SHH: variants seen among roughly 807,000 people sequenced by gnomAD.
SHH encodes the protein sonic hedgehog protein.
Under a neutral mutation model 16.6 loss-of-function variants are expected in SHH, and 3 were observed. That is an observed-to-expected ratio of 0.18 (90% CI 0.08 to 0.47). SHH has a LOEUF of 0.47. Among genes scored for constraint, SHH ranks in the 20% least tolerant of loss-of-function variants. The pLI is 0.98. For synonymous variants in SHH, 351 were observed against 316.2 expected (o/e 1.11, Z -1.17); for missense variants, 499 against 665.0 (o/e 0.75, Z 2.75).
At position 155,802,836 on chromosome 7, in the gene SHH, G is replaced by A. The variant is rs1431062336; in HGVS notation, c.*64C>T. 4 of 948,956 alleles carry A rather than the reference G, an allele frequency of 4.2e-6. No homozygotes were observed. The highest frequency in any genetic ancestry group is 1.7e-5 in the African/African-American group (1 of 57,790). 58.8% of individuals were successfully genotyped at this position (948,956 alleles called of 1,614,324 possible). A position where few individuals can be genotyped will look rare whatever the true frequency, so the allele number is the denominator to read the frequency against. ...GTGCGCCTTTTCCGAGTGTCTTTTT[G>A]CTTTGCGTTGCTGTTGCTGCCCCGC... On this transcript the variant is annotated 3_prime_UTR_variant, in exon 3 of 3. Transcript: ENST00000297261.
In SHH at chr7:155,812,243, C is replaced by G. The variant is rs1324751034; in HGVS notation, c.-121G>C. Reference sequence around the variant, plus strand: ...TTTCCCTTCCTCGCTCCGGCTCGCCCGCTCGCTCTCTCCCTCGCTGGCTGC... The same window carrying G: ...TTTCCCTTCCTCGCTCCGGCTCGCCGGCTCGCTCTCTCCCTCGCTGGCTGC... On this transcript the variant is annotated 5_prime_UTR_variant, in exon 1 of 3. Transcript: ENST00000297261. 5 of 944,206 alleles carry G rather than the reference C, an allele frequency of 5.3e-6. No homozygotes were observed. The East Asian group carries it at 7.6e-5, about 14-fold the overall frequency. The allele number at this position is 944,206 out of a possible 1,614,324, so 58.5% of individuals were successfully genotyped here. A position where few individuals can be genotyped will look rare whatever the true frequency, so the allele number is the denominator to read the frequency against.
At chr7:155,811,677 G>A in intron 1 of SHH, 146 bp downstream of exon 1, 1 of 830,920 alleles carries the variant, frequency 1.2e-6, no homozygotes, top group Non-Finnish European at 2.1e-6. Context: ...GGAAGAGATG[G>A]GGGGCGGGCA....
In SHH at chr7:155,811,988, C is replaced by T. The variant is rs61729519; in HGVS notation, c.135G>A (p.Lys45=). The stretch of plus-strand genomic sequence containing the variant: ...TCTCGGCCACATTGGGGATAAACTG[C>T]TTGTAGGCTAAAGGGGTCAGCTTTT... The part of the protein sequence containing the change: ...HPKKLTPLAY[K]QFIPNVAEKT... The change falls in exon 1 of 3, where the codon AAG becomes AAA. Residue 45 remains lysine, a synonymous_variant. Transcript: ENST00000297261. 2 of 1,614,042 alleles carry T rather than the reference C, an allele frequency of 1.2e-6. No individual in the cohort carries two copies. The highest frequency in any genetic ancestry group is 1.7e-5 in the Admixed American group (1 of 60,006).
rs9333635 is a variant in SHH, at chr7:155,803,392, C to G, written c.897G>C (p.Leu299=). 6.6e-4 allele frequency: 989 copies of G among 1,503,290 alleles called. 3 individuals carry two copies. In the African/African-American group the frequency reaches 0.012, roughly 18 times the overall value. The allele number at this position is 1,503,290 out of a possible 1,614,324, so 93.1% of individuals were successfully genotyped here. The part of the protein sequence containing the change: ...SGSGPPSGGA[L]GPRALFASRV... Reference sequence around the variant, plus strand: ...GGCTGGCGAACAGCGCCCGAGGCCCCAGTGCGCCCCCGGAAGGCGGCCCCG... The same window carrying G: ...GGCTGGCGAACAGCGCCCGAGGCCCGAGTGCGCCCCCGGAAGGCGGCCCCG... Residue 299 remains leucine, a synonymous_variant, in exon 3 of 3, where the codon CTG becomes CTC. Transcript: ENST00000297261.
At chr7:155,811,606 C>T (rs1350582118) in intron 1 of SHH, among the ~76,000 whole-genome samples, 2 of 152,168 alleles carry the variant, frequency 1.3e-5, no homozygotes, top group Non-Finnish European at 2.9e-5. Flanking sequence ...ACCGTCCTCA[C>T]CCCCACCACA....
At position 155,800,841 on chromosome 7, in the gene SHH, G is replaced by C. The variant is rs1803164819; in HGVS notation, c.*2059C>G. 2.9e-6 allele frequency: 1 copy of C among 346,542 alleles called. No individual in the cohort carries two copies. Among genetic ancestry groups the C allele is most frequent in the Non-Finnish European group, 5.7e-6 (1 of 174,580 alleles). The allele number at this position is 346,542 out of a possible 1,614,324, so 21.5% of individuals were successfully genotyped here. On this transcript the variant is annotated 3_prime_UTR_variant, in exon 3 of 3. Coordinates refer to ENST00000297261, the MANE Select transcript of SHH (RefSeq NM_000193.4). Reference sequence around the variant, plus strand: ...GGACTGGGCCCAACCTCGGGAGCCAGCCCCTGCCAGGTGGGGCTGAAGTCT... The same window carrying C: ...GGACTGGGCCCAACCTCGGGAGCCACCCCCTGCCAGGTGGGGCTGAAGTCT...
chr7:155,812,293 C>A lies in SHH; in HGVS notation c.-171G>T. On this transcript the variant is annotated 5_prime_UTR_variant, in exon 1 of 3. Coordinates refer to ENST00000297261, the MANE Select transcript of SHH (RefSeq NM_000193.4). Reference sequence around the variant, plus strand: ...CCTCGCTCTTTCTCTTCCTATATAACCTTGCCCGCCGCGGCTGCGGGGGAC... The same window carrying A: ...CCTCGCTCTTTCTCTTCCTATATAAACTTGCCCGCCGCGGCTGCGGGGGAC... 1.5e-6 allele frequency: 1 copy of A among 672,910 alleles called. No individual in the cohort carries two copies. Among genetic ancestry groups the A allele is most frequent in the Non-Finnish European group, 2.6e-6 (1 of 379,912 alleles). The allele number at this position is 672,910 out of a possible 1,614,324, so 41.7% of individuals were successfully genotyped here.
Position 155,806,154 on chromosome 7 carries a change from T to C in SHH, c.562+142A>G, listed in dbSNP as rs1803354974. 6 of 1,028,140 alleles carry C rather than the reference T, an allele frequency of 5.8e-6. No individual in the cohort carries two copies. In the South Asian group the frequency reaches 8.1e-5, roughly 14 times the overall value. 63.7% of individuals were successfully genotyped at this position (1,028,140 alleles called of 1,614,324 possible). On this transcript the variant is annotated intron_variant, in intron 2 of 2. Transcript: ENST00000297261. ...GGGGCCGGCACCTCACAGGGCAGGT[T>C]CCACCGCGGAAACGCAGTCATCGCC...
Position 155,803,529 on chromosome 7 carries a change from C to T in SHH, c.760G>A (p.Val254Met). ...TCGCGCGGCTCCCGCGTCTCGATCA[C>T]GTAGAAGACCTTCTTGGCGCCGTCG... is the stretch of plus-strand genomic sequence containing the variant. ...RDDGAKKVFY[V>M]IETREPRERL... Residue 254 changes from valine to methionine, a missense_variant, in exon 3 of 3, where the codon GTG becomes ATG. By Grantham distance (21) the Val-to-Met change is conservative. Transcript: ENST00000297261. 2 of 1,591,578 alleles carry T rather than the reference C, an allele frequency of 1.3e-6. No homozygotes were observed. The highest frequency in any genetic ancestry group is 2.7e-5 in the African/African-American group (2 of 74,878).
intron 2 of SHH, among the ~76,000 whole-genome samples, chr7:155,804,756 ATTGAAG>A (rs955293037): frequency 1.6e-4 from 23 of 147,700 alleles, no homozygotes; most frequent in African/African-American, 5.2e-4. Flanking sequence ...CAGGACAATA[ATTGAAG>A]TTGGGGCGGA....
At position 155,802,807 on chromosome 7, in the gene SHH, G is replaced by A; in HGVS notation, c.*93C>T. The A allele has an allele frequency of 1.3e-6, 1 of 753,448 alleles. No individual in the cohort carries two copies. Among genetic ancestry groups the A allele is most frequent in the South Asian group, 2.8e-5 (1 of 36,308 alleles). 46.7% of individuals were successfully genotyped at this position (753,448 alleles called of 1,614,324 possible). ...CTTATTCTTATTATAACTCAGTCTG[G>A]TTCGTGCGCCTTTTCCGAGTGTCTT... On this transcript the variant is annotated 3_prime_UTR_variant, in exon 3 of 3. Transcript: ENST00000297261.
chr7:155,809,563 C>A lies in SHH; in HGVS notation c.300+2260G>T, dbSNP rs1356344494. ...TCACAGACTGCCAGCCCCTACCCCC[C>A]TCGGTTTTAGGGGACCTTTGTGGGG... On this transcript the variant is annotated intron_variant, in intron 1 of 2. Coordinates refer to ENST00000297261, the MANE Select transcript of SHH (RefSeq NM_000193.4). This position sits in a 1 kb window ranked among gnomAD's most constrained non-coding sequence, Gnocchi z 6.1. Among the ~76,000 whole-genome samples the A allele has an allele frequency of 6.6e-6, 1 of 152,130 alleles. No homozygotes were observed. The highest frequency in any genetic ancestry group is 1.5e-5 in the Non-Finnish European group (1 of 68,014).
rs1386829034 is a variant in SHH at position 155,809,745 on chromosome 7, A to G, written c.300+2078T>C. ...TGAGGGAAGTTGACAGAAGGTCAGA[A>G]GTTCAAATGCTGCCTGTGCGCGCGG... On this transcript the variant is annotated intron_variant, in intron 1 of 2. Transcript: ENST00000297261. The surrounding 1 kb of genome is among the most constrained non-coding windows in gnomAD (Gnocchi z 6.1). 6.6e-6 allele frequency among the ~76,000 whole-genome samples: 1 copy of G among 152,060 alleles called. No homozygotes were observed. The highest frequency in any genetic ancestry group is 1.9e-4 in the East Asian group (1 of 5,184).
Position 155,806,409 on chromosome 7 carries a change from G to A in SHH, c.449C>T (p.Thr150Met). 2 of 1,613,782 alleles carry A rather than the reference G, an allele frequency of 1.2e-6. No homozygotes were observed. The highest frequency in any genetic ancestry group is 1.1e-5 in the South Asian group (1 of 91,090). ...HYEGRAVDIT[T>M]SDRDRSKYGM... ...GTACTTGCTGCGGTCGCGGTCAGAC[G>A]TGGTGATGTCCACTGCGCGGCCCTC... The change falls in exon 2 of 3, where the codon ACG (threonine) becomes ATG (methionine). Residue 150 changes from threonine (T) to methionine (M), a missense_variant. This residue lies in a region of SHH where 114 missense variants were observed against 200.4 expected (regional missense o/e 0.57). Transcript: ENST00000297261.
In SHH at chr7:155,802,792, T is replaced by TTCTTATTA. The variant is rs1238614740; in HGVS notation, c.*107_*108insTAATAAGA. ...TCCTACTTTATTATTCTTATTCTTATTATAACTCAGTCTGGTTCGTGCGCC... is the reference window on the plus strand; with the variant it reads ...TCCTACTTTATTATTCTTATTCTTATTCTTATTATATAACTCAGTCTGGTTCGTGCGCC... On this transcript the variant is annotated 3_prime_UTR_variant, in exon 3 of 3. Transcript: ENST00000297261. 1.5e-6 allele frequency: 1 copy of TTCTTATTA among 645,800 alleles called. No homozygotes were observed. The highest frequency in any genetic ancestry group is 1.9e-5 in the African/African-American group (1 of 52,562). The allele number at this position is 645,800 out of a possible 1,614,324, so 40.0% of individuals were successfully genotyped here. A position where few individuals can be genotyped will look rare whatever the true frequency, so the allele number is the denominator to read the frequency against.
chr7:155,803,883 A>G (rs1803274795), intron 2 of SHH, among the ~76,000 whole-genome samples, 157 bp from the exon 3 acceptor site: 1 of 151,728 alleles, frequency 6.6e-6, no homozygotes, highest in Non-Finnish European at 1.5e-5. Context: ...CGGGTCCCGC[A>G]CACACCTCCC....
chr7:155,810,408 G>T (rs868549299), intron 1 of SHH, among the ~76,000 whole-genome samples: 1 of 152,262 alleles, frequency 6.6e-6, no homozygotes, highest in East Asian at 1.9e-4. Context: ...TGAGGGTGAC[G>T]AGAGGATGGG....
At chr7:155,810,981 G>T (rs751962033) in intron 1 of SHH, among the ~76,000 whole-genome samples, 1 of 152,150 alleles carries the variant, frequency 6.6e-6, no homozygotes, top group Non-Finnish European at 1.5e-5. Context: ...TTCATATTTT[G>T]CTTAGCTTCC....
Position 155,802,882 on chromosome 7 carries a change from TC to T in SHH, c.*17del, listed in dbSNP as rs1803224802. The T allele has an allele frequency of 7.5e-6, 2 of 268,038 alleles. No individual in the cohort carries two copies. Among genetic ancestry groups the T allele is most frequent in the African/African-American group, 7.5e-5 (1 of 13,298 alleles). 16.6% of individuals were successfully genotyped at this position (268,038 alleles called of 1,614,324 possible). A position where few individuals can be genotyped will look rare whatever the true frequency, so the allele number is the denominator to read the frequency against. Reference sequence around the variant, plus strand: ...CCCGCCCCGCCCCCTCCCGCGCCCCTCCCCCGGCCCCCCGGCTTCAGCTGGA... The same window carrying T: ...CCCGCCCCGCCCCCTCCCGCGCCCCTCCCCGGCCCCCCGGCTTCAGCTGGA... On this transcript the variant is annotated 3_prime_UTR_variant, in exon 3 of 3. Transcript: ENST00000297261.
Sources: allele counts gnomAD v4.1 joint callset (sites outside exome capture counted in the v4.1 genomes callset), GRCh38; gene constraint gnomAD v4.1.1; regional missense constraint gnomAD v4.1.1; non-coding constraint Gnocchi (gnomAD v3.1); transcripts MANE v1.5; gene names NCBI Gene and HGNC (gene_info 2026-07-23, HGNC 2026-07-21).